The following UBE2H variants were observed in gnomAD, a reference collection of about 807,000 sequenced individuals.
UBE2H encodes the protein ubiquitin conjugating enzyme E2 H.
In UBE2H, 3 loss-of-function variants were observed where a neutral mutation model predicts 29.0. That is an observed-to-expected ratio of 0.10 (90% CI 0.05 to 0.27). The LOEUF is 0.27. Ranked by LOEUF, UBE2H falls within the 10% of genes least tolerant of loss-of-function variation. UBE2H has a pLI of 1.00. For missense variants in UBE2H, 68 were observed against 228.2 expected (o/e 0.30, Z 4.52); for synonymous variants, 69 against 82.9 (o/e 0.83, Z 0.91).
rs2116548378 is a variant in UBE2H at position 129,952,623 on chromosome 7, A to G, written c.-68T>C. 3 of 1,556,814 alleles carry G rather than the reference A, an allele frequency of 1.9e-6. No individual in the cohort carries two copies. In the East Asian group the frequency reaches 7.2e-5, roughly 38 times the overall value. On this transcript the variant is annotated 5_prime_UTR_variant, in exon 1 of 7. Transcript: ENST00000355621. ...CGGGCCCGGGGCCCCGGCTCTGAGG[A>G]GCCCGCGGCCGCGCCGGCTCCTCGG...
chr7:129,865,030 G>A (rs12534061), intron 3 of UBE2H: 28,701 of 438,566 alleles, frequency 0.065, 1,173 homozygotes, highest in Non-Finnish European at 0.091. Context: ...TCTGTCCTGC[G>A]TCTTTTAGCA....
chr7:129,937,620 T>C (rs1262369903), intron 1 of UBE2H, among the ~76,000 whole-genome samples: 1 of 152,194 alleles, frequency 6.6e-6, no homozygotes, highest in Non-Finnish European at 1.5e-5. Context: ...CTCACATATA[T>C]GGCATTTGAT....
intron 2 of UBE2H, 36 bp from the exon 3 acceptor site, chr7:129,879,678 T>C: frequency 6.5e-7 from 1 of 1,541,968 alleles, no homozygotes; most frequent in Non-Finnish European, 8.9e-7. Context: ...CAGAACTACA[T>C]CTCCAAATTA....
chr7:129,934,334 G>C (rs1318067548), intron 1 of UBE2H, among the ~76,000 whole-genome samples: 1 of 149,210 alleles, frequency 6.7e-6, no homozygotes, highest in Non-Finnish European at 1.5e-5. Context: ...AAACAAAAAA[G>C]AACAACAAAA....
intron 3 of UBE2H, among the ~76,000 whole-genome samples, chr7:129,869,404 C>T (rs1805983099): frequency 6.6e-6 from 1 of 152,114 alleles, no homozygotes; most frequent in African/African-American, 2.4e-5. Context: ...AAAAGCTTCC[C>T]ACCCCAGGAA....
intron 5 of UBE2H, among the ~76,000 whole-genome samples, chr7:129,854,068 T>G (rs980591791): frequency 2.0e-5 from 3 of 148,706 alleles, no homozygotes; most frequent in South Asian, 2.1e-4. Context: ...TAGTTTTTTT[T>G]TTTTTTTTTT....
chr7:129,887,689 C>T (rs1806391837), intron 1 of UBE2H, among the ~76,000 whole-genome samples: 1 of 133,676 alleles, frequency 7.5e-6, no homozygotes, highest in South Asian at 2.2e-4. Context: ...CTCCTGAGGT[C>T]GGGAGTTTGA....
chr7:129,843,099 C>T (rs559779242), intron 5 of UBE2H, among the ~76,000 whole-genome samples: 88 of 149,352 alleles, frequency 5.9e-4, no homozygotes, highest in Non-Finnish European at 1.1e-3. Context: ...CCTGGGTTCA[C>T]GCCATTCTCC....
intron 1 of UBE2H, among the ~76,000 whole-genome samples, chr7:129,907,996 C>T (rs73161652): frequency 0.069 from 10,460 of 152,166 alleles, 996 homozygotes; most frequent in East Asian, 0.46. Context: ...AGTATTTATA[C>T]CTCAGAAATC....
At chr7:129,854,067 T>TTTTTTTTTTATTTTTTTTTA (rs1805661097) in intron 5 of UBE2H, among the ~76,000 whole-genome samples, 1 of 148,784 alleles carries the variant, frequency 6.7e-6, no homozygotes, top group Non-Finnish European at 1.5e-5. Flanking sequence ...TTAGTTTTTT[T>TTTTTTTTTTATTTTTTTTTA]TTTTTTTTTT....
chr7:129,884,120 A>C lies in UBE2H; in HGVS notation c.54-3149T>G, dbSNP rs540240793. ...CAAAAAACTAAATAAAAAAATAATA[A>C]AAATTTCTGTACTTTGGCCAGGCGC... On this transcript the variant is annotated intron_variant, in intron 1 of 6. Transcript: ENST00000355621. Among the ~76,000 whole-genome samples the C allele has an allele frequency of 2.4e-4, 37 of 151,778 alleles. No homozygotes were observed. The South Asian group carries it at 4.8e-3, about 20-fold the overall frequency.
chr7:129,882,306 G>A (rs1265362439), intron 1 of UBE2H, among the ~76,000 whole-genome samples: 1 of 152,098 alleles, frequency 6.6e-6, no homozygotes, highest in Non-Finnish European at 1.5e-5. Flanking sequence ...ACATTAAAAA[G>A]GAAAACACAA....
chr7:129,944,370 C>G lies in UBE2H; in HGVS notation c.53+8133G>C, dbSNP rs568137397. Among the ~76,000 whole-genome samples, 7 of 152,162 alleles carry G rather than the reference C, an allele frequency of 4.6e-5. No individual in the cohort carries two copies. In the South Asian group the frequency reaches 1.5e-3, roughly 32 times the overall value. ...GACTCCGTCTCAAAACAAAACAAAACAAAACAAAACACACAAGTGAAACAA... is the reference window on the plus strand; with the variant it reads ...GACTCCGTCTCAAAACAAAACAAAAGAAAACAAAACACACAAGTGAAACAA... On this transcript the variant is annotated intron_variant, in intron 1 of 6. Transcript: ENST00000355621.
At chr7:129,944,771 C>T (rs990877399) in intron 1 of UBE2H, among the ~76,000 whole-genome samples, 10 of 151,158 alleles carry the variant, frequency 6.6e-5, no homozygotes, top group Admixed American at 4.0e-4. Context: ...CACGCGCATG[C>T]GCAAACCCTA....
chr7:129,833,134 C>T lies in UBE2H; in HGVS notation c.*1803G>A, dbSNP rs1424258270. The T allele has an allele frequency of 1.3e-5, 2 of 151,880 alleles. No individual in the cohort carries two copies. Among genetic ancestry groups the T allele is most frequent in the Non-Finnish European group, 2.9e-5 (2 of 67,954 alleles). The allele number at this position is 151,880 out of a possible 1,614,324, so 9.4% of individuals were successfully genotyped here. A position where few individuals can be genotyped will look rare whatever the true frequency, so the allele number is the denominator to read the frequency against. On this transcript the variant is annotated 3_prime_UTR_variant, in exon 7 of 7. Transcript: ENST00000355621. ...TAAAGAAAACCTTTTGCTTCATGCCCGTAATTAACATAAAGTAAGTAAATT... is the reference window on the plus strand; with the variant it reads ...TAAAGAAAACCTTTTGCTTCATGCCTGTAATTAACATAAAGTAAGTAAATT...
Position 129,880,979 on chromosome 7 carries a change from G to A in UBE2H, c.54-8C>T, listed in dbSNP as rs767906285. Reference sequence around the variant, plus strand: ...TCATGTTTACTCTCGATGCTAAGGTGGACGGTAAAGGAAATTACACAGGCT... The same window carrying A: ...TCATGTTTACTCTCGATGCTAAGGTAGACGGTAAAGGAAATTACACAGGCT... On this transcript the variant is annotated splice_polypyrimidine_tract_variant and splice_region_variant and intron_variant, in intron 1 of 6. Coordinates refer to ENST00000355621, the MANE Select transcript of UBE2H (RefSeq NM_003344.4). 43 of 1,610,082 alleles carry A rather than the reference G, an allele frequency of 2.7e-5. No individual in the cohort carries two copies. The highest frequency in any genetic ancestry group is 5.4e-5 in the African/African-American group (4 of 74,658).
chr7:129,892,751 T>C (rs1046771539), intron 1 of UBE2H, among the ~76,000 whole-genome samples: 2 of 152,190 alleles, frequency 1.3e-5, no homozygotes, highest in African/African-American at 4.8e-5. Flanking sequence ...CCTTTAGCTA[T>C]GTTTGGGAGA....
intron 1 of UBE2H, among the ~76,000 whole-genome samples, chr7:129,929,288 G>C (rs1176335454): frequency 6.7e-6 from 1 of 148,278 alleles, no homozygotes; most frequent in Non-Finnish European, 1.5e-5. Context: ...TTGCACTCCA[G>C]CCTGGGCAAC....
chr7:129,871,880 C>T (rs1806042445), intron 3 of UBE2H, among the ~76,000 whole-genome samples: 1 of 152,162 alleles, frequency 6.6e-6, no homozygotes, highest in Non-Finnish European at 1.5e-5. Flanking sequence ...GAGTCTCACT[C>T]TTGTCGCCCA....
Sources: gnomAD v4.1 joint callset for allele counts (sites outside exome capture counted in the v4.1 genomes callset) on GRCh38, gnomAD v4.1.1 for gene constraint, MANE v1.5 for transcripts, NCBI Gene and HGNC (gene_info 2026-07-23, HGNC 2026-07-21) for gene names.